Variants in MAP9 observed in about 807,000 individuals in gnomAD.
MAP9 encodes the protein microtubule associated protein 9.
In MAP9, 80 loss-of-function variants were observed where a neutral mutation model predicts 75.2. The observed-to-expected ratio is 1.06, with a 90% CI of 0.89 to 1.28. The LOEUF is 1.28. MAP9 is among the 50% of genes most tolerant of loss of function. The pLI is 0.00. For synonymous variants in MAP9, 235 were observed against 237.3 expected (o/e 0.99, Z 0.09); for missense variants, 753 against 719.9 (o/e 1.05, Z -0.53).
intron 13 of MAP9, among the ~76,000 whole-genome samples, chr4:155,349,062 AT>A (rs1731393493): frequency 2.0e-5 from 3 of 152,234 alleles, no homozygotes; most frequent in Admixed American, 2.0e-4. Flanking sequence ...ATGAGAAGGA[AT>A]AAAAAAGAGT....
chr4:155,352,251 G>A (rs1422485005), intron 13 of MAP9: 4 of 208,314 alleles, frequency 1.9e-5, no homozygotes, highest in East Asian at 1.7e-4. Flanking sequence ...GTTCCACCAC[G>A]TAGTACCCTC....
intron 4 of MAP9, among the ~76,000 whole-genome samples, chr4:155,372,264 T>C (rs973961296): frequency 1.3e-5 from 2 of 152,320 alleles, no homozygotes; most frequent in African/African-American, 2.4e-5. Context: ...GTATCTAATA[T>C]GCAAAGTATG....
Position 155,362,059 on chromosome 4 carries a change from G to C in MAP9, c.791C>G (p.Ala264Gly), listed in dbSNP as rs1732104853. The C allele has an allele frequency of 1.3e-6, 2 of 1,593,302 alleles. No individual in the cohort carries two copies. ...TTAGATATAACCACCTTTTCCAGAT[G>C]CGTTTCCCTCAGATCCTGGTGAAAA... is the stretch of plus-strand genomic sequence containing the variant. The part of the protein sequence containing the change: ...DSFSPGSEGN[A>G]SGKDPNEEIT... Residue 264 changes from alanine to glycine, a missense_variant, in exon 6 of 14, where the codon GCA becomes GGA. Coordinates refer to ENST00000311277, the MANE Select transcript of MAP9 (RefSeq NM_001039580.2).
chr4:155,364,016 T>C (rs1732209053), intron 5 of MAP9, among the ~76,000 whole-genome samples: 2 of 151,924 alleles, frequency 1.3e-5, no homozygotes, highest in Non-Finnish European at 2.9e-5. Flanking sequence ...AGAATAAACA[T>C]AAAGAAAGCT....
At position 155,343,743 on chromosome 4, in the gene MAP9, T is replaced by C. The variant is rs1356295670; in HGVS notation, c.*4040A>G. 1 of 151,862 alleles carries C rather than the reference T, an allele frequency of 6.6e-6. No individual in the cohort carries two copies. The highest frequency in any genetic ancestry group is 6.6e-5 in the Admixed American group (1 of 15,236). 9.4% of individuals were successfully genotyped at this position (151,862 alleles called of 1,614,324 possible). A position where few individuals can be genotyped will look rare whatever the true frequency, so the allele number is the denominator to read the frequency against. On this transcript the variant is annotated 3_prime_UTR_variant, in exon 14 of 14. Transcript: ENST00000311277. ...AAAGCAGACATTAATATCTTCTTAA[T>C]AATTTTTAAAACATCCTAAATTTAA...
chr4:155,375,096 C>G, intron 2 of MAP9, 75 bp from the exon 3 acceptor site: 1 of 1,073,764 alleles, frequency 9.3e-7, no homozygotes, highest in South Asian at 1.6e-5. Context: ...TTTAAACAAA[C>G]AATGCTTGAT....
intron 7 of MAP9, among the ~76,000 whole-genome samples, 154 bp from the exon 8 acceptor site, chr4:155,357,673 T>TA (rs1158466178): frequency 6.6e-6 from 1 of 152,166 alleles, no homozygotes; most frequent in Non-Finnish European, 1.5e-5. Context: ...AAAATGCCCT[T>TA]AAGAATATTA....
At chr4:155,372,022 G>A (rs1466705281) in intron 4 of MAP9, among the ~76,000 whole-genome samples, 1 of 152,182 alleles carries the variant, frequency 6.6e-6, no homozygotes, top group Non-Finnish European at 1.5e-5. Flanking sequence ...GGAATAGAAA[G>A]AGGGTTATTT....
rs764315062 is a variant in MAP9, at chr4:155,342,875, T to C, written c.*4908A>G. 2.0e-5 allele frequency: 3 copies of C among 152,030 alleles called. No individual in the cohort carries two copies. Among genetic ancestry groups the C allele is most frequent in the Non-Finnish European group, 4.4e-5 (3 of 67,960 alleles). 9.4% of individuals were successfully genotyped at this position (152,030 alleles called of 1,614,324 possible). On this transcript the variant is annotated 3_prime_UTR_variant, in exon 14 of 14. Coordinates refer to ENST00000311277, the MANE Select transcript of MAP9 (RefSeq NM_001039580.2). ...CAAGATGTCTGAATAACTCCTTACA[T>C]TTATAAATTCTTATTTAATTTTATA...
At chr4:155,365,447 C>T (rs1177502215) in intron 5 of MAP9, among the ~76,000 whole-genome samples, 3 of 151,850 alleles carry the variant, frequency 2.0e-5, no homozygotes, top group Non-Finnish European at 2.9e-5. Flanking sequence ...AACGGGTAAA[C>T]AAATTGGATG....
chr4:155,366,774 T>C (rs975336993), intron 5 of MAP9, among the ~76,000 whole-genome samples: 1 of 152,038 alleles, frequency 6.6e-6, no homozygotes, highest in African/African-American at 2.4e-5. Context: ...AAAATGTGAG[T>C]ACTGAAATAC....
chr4:155,353,731 AAAGT>A (rs1731632303), intron 10 of MAP9, among the ~76,000 whole-genome samples: 1 of 152,174 alleles, frequency 6.6e-6, no homozygotes, highest in Admixed American at 6.6e-5. Context: ...ATGGGCTTAT[AAAGT>A]AAGTTAGAGT....
Position 155,355,707 on chromosome 4 carries a change from CT to C in MAP9, c.1290+8del, listed in dbSNP as rs752116110. Reference sequence around the variant, plus strand: ...TTCTTCTTCTCTTAAAAATATTTTCCTTTTTTACCTGATAAACAGCTGCCCT... The same window carrying C: ...TTCTTCTTCTCTTAAAAATATTTTCCTTTTTACCTGATAAACAGCTGCCCT... On this transcript the variant is annotated splice_region_variant and intron_variant, in intron 9 of 13. Transcript: ENST00000311277. 1.3e-6 allele frequency: 2 copies of C among 1,593,786 alleles called. No homozygotes were observed. The highest frequency in any genetic ancestry group is 4.5e-5 in the East Asian group (2 of 44,726).
rs998185439 is a variant in MAP9, at chr4:155,344,599, A to ATAAC, written c.*3180_*3183dup. On this transcript the variant is annotated 3_prime_UTR_variant, in exon 14 of 14. Coordinates refer to ENST00000311277, the MANE Select transcript of MAP9 (RefSeq NM_001039580.2). ...CAGCAGTGAAAATATCAGTTTCAAT[A>ATAAC]TAACTTTAAACAATAAATGGACTAA... is the stretch of plus-strand genomic sequence containing the variant. 2 of 152,012 alleles carry ATAAC rather than the reference A, an allele frequency of 1.3e-5. No homozygotes were observed. The highest frequency in any genetic ancestry group is 4.8e-5 in the African/African-American group (2 of 41,454). 9.4% of individuals were successfully genotyped at this position (152,012 alleles called of 1,614,324 possible).
At position 155,360,324 on chromosome 4, in the gene MAP9, T is replaced by A; in HGVS notation, c.894A>T (p.Ala298=). The change falls in exon 7 of 14, where the codon GCA becomes GCT. Residue 298 remains alanine (A), a synonymous_variant. Transcript: ENST00000311277. ...NSFSADHVTT[A]VEKSKESQVT... ...CTTGACTTTCCTTGGATTTCTCAAC[T>A]GCAGTAGTCACATGGTCTGCTGAAA... 1 of 1,613,166 alleles carries A rather than the reference T, an allele frequency of 6.2e-7. No individual in the cohort carries two copies. Among genetic ancestry groups the A allele is most frequent in the Middle Eastern group, 1.7e-4 (1 of 6,058 alleles).
rs775695396 is a variant in MAP9 at position 155,353,318 on chromosome 4, T to G, written c.1403A>C (p.Glu468Ala). The change falls in exon 11 of 14, where the codon GAA becomes GCA. Residue 468 changes from glutamate to alanine, a missense_variant. Transcript: ENST00000311277. The part of the protein sequence containing the change: ...NEQKKAAKRE[E>A]ALASFEAWKA... Reference sequence around the variant, plus strand: ...CCAGGCCTCAAATGATGCTAATGCTTCTTCTCTTTTAGCAGCTTTTTTCTA... The same window carrying G: ...CCAGGCCTCAAATGATGCTAATGCTGCTTCTCTTTTAGCAGCTTTTTTCTA... 6.3e-7 allele frequency: 1 copy of G among 1,577,316 alleles called. No homozygotes were observed. Among genetic ancestry groups the G allele is most frequent in the South Asian group, 1.2e-5 (1 of 82,486 alleles).
chr4:155,370,633 G>A (rs1732550496), intron 4 of MAP9, among the ~76,000 whole-genome samples: 1 of 151,170 alleles, frequency 6.6e-6, no homozygotes, highest in Admixed American at 6.6e-5. Flanking sequence ...ATGCCTGAAA[G>A]AAGGTGTTGA....
chr4:155,362,275 T>C (rs1434356323), intron 5 of MAP9, 134 bp from the exon 6 acceptor site: 3 of 583,218 alleles, frequency 5.1e-6, no homozygotes, highest in Non-Finnish European at 8.6e-6. Flanking sequence ...CATTTGTTGC[T>C]GAAACGCAAA....
chr4:155,374,718 G>A (rs1166345628), intron 3 of MAP9, among the ~76,000 whole-genome samples: 1 of 152,058 alleles, frequency 6.6e-6, no homozygotes, highest in African/African-American at 2.4e-5. Context: ...TACACATTCA[G>A]AAAACAAAAC....
Sources: allele counts gnomAD v4.1 joint callset (sites outside exome capture counted in the v4.1 genomes callset), GRCh38; gene constraint gnomAD v4.1.1; transcripts MANE v1.5; gene names NCBI Gene and HGNC (gene_info 2026-07-23, HGNC 2026-07-21).